ARHGAP42: variants seen among roughly 807,000 people sequenced by gnomAD.
The protein encoded by ARHGAP42 is rho GTPase-activating protein 42.
A neutral mutation model predicts 125.0 loss-of-function variants in ARHGAP42; 63 were observed. The ratio of observed to expected loss-of-function variants is 0.50; its 90% CI spans 0.41 to 0.62. ARHGAP42 has a LOEUF of 0.62. ARHGAP42 is among the 20% of genes least tolerant of loss of function. The pLI is 0.00. For missense variants in ARHGAP42, 766 were observed against 1,024.2 expected (o/e 0.75, Z 3.44); for synonymous variants, 339 against 351.0 (o/e 0.97, Z 0.38).
intron 3 of ARHGAP42, among the ~76,000 whole-genome samples, chr11:100,825,696 A>G (rs1313063448): frequency 6.6e-6 from 1 of 152,088 alleles, no homozygotes; most frequent in Non-Finnish European, 1.5e-5. Context: ...CATGCTCCTT[A>G]AATCTGCTTC....
rs115807058 is a variant in ARHGAP42, at chr11:100,865,202, G to C, written c.384+5577G>C. ...CATAGTAGAGTTTGCTTCTGTCTCT[G>C]AACATTCGTTTATTATTTTTAAACA... On this transcript the variant is annotated intron_variant, in intron 4 of 23. Transcript: ENST00000298815. Among the ~76,000 whole-genome samples the C allele has an allele frequency of 6.2e-3, 949 of 152,190 alleles. 11 individuals are homozygous for C. The highest frequency in any genetic ancestry group is 0.022 in the African/African-American group (899 of 41,514).
Position 100,733,458 on chromosome 11 carries a change from C to G in ARHGAP42, c.155-36885C>G, listed in dbSNP as rs11224421. ...ATACACTTGAATTATAAATTGATTG[C>G]TAGTGAGATCCCATAAATTAGATGT... On this transcript the variant is annotated intron_variant, in intron 1 of 23. Transcript: ENST00000298815. Among the ~76,000 whole-genome samples, 1,379 of 152,254 alleles carry G rather than the reference C, an allele frequency of 9.1e-3. 17 individuals carry two copies. The highest frequency in any genetic ancestry group is 0.032 in the African/African-American group (1,323 of 41,556).
intron 4 of ARHGAP42, among the ~76,000 whole-genome samples, chr11:100,880,055 TA>T (rs1355373622): frequency 1.1e-4 from 17 of 152,340 alleles, no homozygotes; most frequent in African/African-American, 3.8e-4. Flanking sequence ...TCATTTTTGA[TA>T]TCCCTAGTGC....
At chr11:100,806,320 C>T (rs536957551) in intron 3 of ARHGAP42, among the ~76,000 whole-genome samples, 71 of 152,174 alleles carry the variant, frequency 4.7e-4, no homozygotes, top group Non-Finnish European at 6.6e-4. Context: ...TTATTTTTGC[C>T]GTACATCTTT....
At chr11:100,902,965 G>A (rs1003002613) in intron 4 of ARHGAP42, among the ~76,000 whole-genome samples, 5 of 152,116 alleles carry the variant, frequency 3.3e-5, no homozygotes, top group African/African-American at 1.2e-4. Context: ...AGGTGTGTTG[G>A]TTTTGGACAG....
intron 4 of ARHGAP42, among the ~76,000 whole-genome samples, chr11:100,888,475 G>A (rs1296678296): frequency 6.6e-6 from 1 of 152,062 alleles, no homozygotes; most frequent in Non-Finnish European, 1.5e-5. Flanking sequence ...GGTTATATAT[G>A]TTTATGTGTA....
chr11:100,779,572 G>A (rs1327528068), intron 2 of ARHGAP42, among the ~76,000 whole-genome samples: 2 of 118,504 alleles, frequency 1.7e-5, no homozygotes, highest in Admixed American at 8.7e-5. Flanking sequence ...GTATATATAC[G>A]TATATATACA....
At chr11:100,868,551 T>C (rs1414715280) in intron 4 of ARHGAP42, among the ~76,000 whole-genome samples, 1 of 152,008 alleles carries the variant, frequency 6.6e-6, no homozygotes, top group Non-Finnish European at 1.5e-5. Context: ...TAGTAAGGAG[T>C]AGAGTCAGAT....
intron 16 of ARHGAP42, 48 bp downstream of exon 16, chr11:100,962,515 G>A: frequency 6.9e-7 from 1 of 1,448,162 alleles, no homozygotes; most frequent in South Asian, 1.2e-5. Flanking sequence ...GTAGTTTTAT[G>A]CTGCCATACT....
intron 1 of ARHGAP42, 150 bp downstream of exon 1, chr11:100,687,982 A>T (rs1175534765): frequency 1.6e-5 from 14 of 888,268 alleles, no homozygotes; most frequent in Non-Finnish European, 2.3e-5. Flanking sequence ...GGTGGCCAAC[A>T]AAGTTTGTTC....
At chr11:100,758,413 G>A (rs1475303561) in intron 1 of ARHGAP42, among the ~76,000 whole-genome samples, 2 of 152,024 alleles carry the variant, frequency 1.3e-5, no homozygotes, top group African/African-American at 4.8e-5. Context: ...GATGCATGAT[G>A]CTAAACAGCT....
intron 8 of ARHGAP42, among the ~76,000 whole-genome samples, chr11:100,938,678 C>A (rs940515383): frequency 6.6e-6 from 1 of 152,090 alleles, no homozygotes; most frequent in Non-Finnish European, 1.5e-5. Context: ...TCTGTTCCCA[C>A]CTATCATCTT....
intron 4 of ARHGAP42, among the ~76,000 whole-genome samples, chr11:100,896,089 G>A (rs1174507064): frequency 6.6e-6 from 1 of 152,100 alleles, no homozygotes; most frequent in Non-Finnish European, 1.5e-5. Flanking sequence ...GAGAACATGC[G>A]GTGTTTGGTT....
chr11:100,736,509 G>A (rs1278458970), intron 1 of ARHGAP42, among the ~76,000 whole-genome samples: 1 of 152,152 alleles, frequency 6.6e-6, no homozygotes, highest in Non-Finnish European at 1.5e-5. Context: ...TGATTAATGG[G>A]AACTGGAATG....
chr11:100,804,477 AC>A (rs1245960431), intron 3 of ARHGAP42, among the ~76,000 whole-genome samples: 1 of 151,944 alleles, frequency 6.6e-6, no homozygotes, highest in Non-Finnish European at 1.5e-5. Flanking sequence ...TTGTTTTAAA[AC>A]ATAAAGTTAA....
chr11:100,793,824 C>T (rs969228932), intron 2 of ARHGAP42, among the ~76,000 whole-genome samples: 1 of 152,058 alleles, frequency 6.6e-6, no homozygotes, highest in East Asian at 1.9e-4. Context: ...GTAATCCCAG[C>T]ACTTTGGGAG....
chr11:100,770,924 G>A (rs190661641), intron 2 of ARHGAP42, among the ~76,000 whole-genome samples: 1 of 152,244 alleles, frequency 6.6e-6, no homozygotes, highest in Admixed American at 6.5e-5. Context: ...CTCTGTGTTT[G>A]TTTGTTTGTT....
intron 4 of ARHGAP42, among the ~76,000 whole-genome samples, chr11:100,889,429 C>G (rs1272212413): frequency 1.3e-5 from 2 of 152,154 alleles, no homozygotes; most frequent in African/African-American, 2.4e-5. Flanking sequence ...GAGGCAGCAT[C>G]AAGGTGCCAC....
intron 1 of ARHGAP42, among the ~76,000 whole-genome samples, chr11:100,699,905 A>G (rs1861368511): frequency 6.6e-6 from 1 of 151,250 alleles, no homozygotes; most frequent in Admixed American, 6.6e-5. Context: ...CTATGGGAGG[A>G]CCCTTCCTTG....
Sources: allele counts gnomAD v4.1 joint callset (sites outside exome capture counted in the v4.1 genomes callset), GRCh38; gene constraint gnomAD v4.1.1; transcripts MANE v1.5; gene names NCBI Gene and HGNC (gene_info 2026-07-23, HGNC 2026-07-21).